The following TTC3 variants were observed in gnomAD, a reference collection of about 807,000 sequenced individuals.
TTC3 encodes the protein E3 ubiquitin-protein ligase TTC3.
In TTC3, 180 loss-of-function variants were observed where a neutral mutation model predicts 249.6. The ratio of observed to expected loss-of-function variants is 0.72; its 90% CI spans 0.64 to 0.82. The LOEUF (loss-of-function observed/expected upper bound fraction) is 0.82, where lower values mean the gene tolerates loss of function less well. Among genes scored for constraint, TTC3 ranks in the 40% least tolerant of loss-of-function variants. The pLI is 0.00. For missense variants in TTC3, 2,061 were observed against 2,398.4 expected (o/e 0.86, Z 2.94); for synonymous variants, 717 against 805.0 (o/e 0.89, Z 1.85).
intron 1 of TTC3, among the ~76,000 whole-genome samples, chr21:37,073,856 C>T (rs768285332): frequency 6.6e-6 from 1 of 152,254 alleles, no homozygotes; most frequent in African/African-American, 2.4e-5. Context: ...CTGCGCGTCC[C>T]CTAGCGCGCG....
intron 1 of TTC3, among the ~76,000 whole-genome samples, chr21:37,075,287 C>T (rs958944147): frequency 6.6e-6 from 1 of 151,640 alleles, no homozygotes; most frequent in Admixed American, 6.6e-5. Flanking sequence ...ATGAATATAC[C>T]ATATTTATTT....
chr21:37,094,604 A>AT (rs2073711253), intron 8 of TTC3, among the ~76,000 whole-genome samples: 1 of 152,092 alleles, frequency 6.6e-6, no homozygotes, highest in Non-Finnish European at 1.5e-5. Flanking sequence ...TATGTTATTG[A>AT]TTTATATATG....
intron 34 of TTC3, among the ~76,000 whole-genome samples, chr21:37,168,701 A>C (rs2081457671): frequency 1.3e-5 from 2 of 149,004 alleles, no homozygotes. Flanking sequence ...AGTTATGTAT[A>C]TTGCTGTATA....
intron 27 of TTC3, among the ~76,000 whole-genome samples, chr21:37,155,199 A>C (rs56115617): frequency 0.99 from 151,467 of 152,268 alleles, 75,333 homozygotes; most frequent in Middle Eastern, 1. Flanking sequence ...AATTTTCTTC[A>C]ATAAAACGAC....
At chr21:37,135,305 A>G (rs547584595) in intron 17 of TTC3, 75 bp from the exon 18 acceptor site, 95 of 1,457,872 alleles carry the variant, frequency 6.5e-5, no homozygotes, top group Middle Eastern at 2.4e-4. Context: ...AAATATTACT[A>G]TGAACTTGGC....
intron 7 of TTC3, among the ~76,000 whole-genome samples, chr21:37,092,820 T>C (rs568316524): frequency 6.6e-6 from 1 of 152,192 alleles, no homozygotes; most frequent in African/African-American, 2.4e-5. Flanking sequence ...TTTGCCACTT[T>C]AAAATATCCT....
chr21:37,107,467 G>A (rs2050063624), intron 10 of TTC3, among the ~76,000 whole-genome samples: 1 of 152,194 alleles, frequency 6.6e-6, no homozygotes. Context: ...CCAGGAAACT[G>A]ATAGACTGTG....
intron 6 of TTC3, among the ~76,000 whole-genome samples, chr21:37,090,946 G>A (rs1194087255): frequency 3.9e-5 from 6 of 152,064 alleles, no homozygotes; most frequent in Admixed American, 3.9e-4. Context: ...GATGAGATCT[G>A]AGAACCCTCA....
intron 8 of TTC3, 22 bp downstream of exon 8, chr21:37,094,112 AT>A (rs1251843362): frequency 4.9e-6 from 7 of 1,439,114 alleles, no homozygotes; most frequent in South Asian, 4.0e-5. Context: ...TATTATAAAT[AT>A]ATTTTAAGAT....
At chr21:37,155,009 TTATTC>T (rs1427441705) in intron 27 of TTC3, among the ~76,000 whole-genome samples, 3 of 152,210 alleles carry the variant, frequency 2.0e-5, no homozygotes, top group Non-Finnish European at 4.4e-5. Context: ...TAATCCATGT[TTATTC>T]TGTAGATTAA....
rs760255573 is a variant in TTC3, at chr21:37,166,656, A to T, written c.4401+41A>T. On this transcript the variant is annotated intron_variant, in intron 33 of 45. Transcript: ENST00000355666. Reference sequence around the variant, plus strand: ...AAAAGTCTTCTTAATACTGAAGTTAAATTTTCCTTTTCATTTTTCATTGCC... The same window carrying T: ...AAAAGTCTTCTTAATACTGAAGTTATATTTTCCTTTTCATTTTTCATTGCC... The T allele has an allele frequency of 3.9e-6, 6 of 1,529,088 alleles. No homozygotes were observed. The Admixed American group carries it at 1.3e-4, about 33-fold the overall frequency. 94.7% of individuals were successfully genotyped at this position (1,529,088 alleles called of 1,614,324 possible).
intron 10 of TTC3, among the ~76,000 whole-genome samples, chr21:37,104,599 A>G (rs1172509810): frequency 6.6e-6 from 1 of 150,500 alleles, no homozygotes; most frequent in African/African-American, 2.4e-5. Flanking sequence ...AAAAAAAAAA[A>G]AAAAAAAAAA....
At chr21:37,081,150 G>A (rs1317625654) in intron 1 of TTC3, among the ~76,000 whole-genome samples, 2 of 105,976 alleles carry the variant, frequency 1.9e-5, no homozygotes, top group African/African-American at 7.6e-5. Flanking sequence ...GTGGAGTCTT[G>A]CTGTGTTGTT....
At chr21:37,098,057 C>G in intron 10 of TTC3, 1 of 637,442 alleles carries the variant, frequency 1.6e-6, no homozygotes, top group Non-Finnish European at 2.9e-6. Flanking sequence ...GTGGATAAAC[C>G]GAGGCTATCT....
intron 31 of TTC3, among the ~76,000 whole-genome samples, chr21:37,162,668 G>A (rs112230032): frequency 0.033 from 14 of 424 alleles, no homozygotes; most frequent in South Asian, 0.17. Context: ...TAAAAATTAC[G>A]TGGTCATTTC....
At chr21:37,195,778 C>T (rs1569197812) in exon 42 of TTC3, 3 of 1,614,178 alleles carry the variant, frequency 1.9e-6, no homozygotes, top group Non-Finnish European at 2.5e-6. Context: ...CACAGGGATC[C>T]TAGTGTGTTC....
At chr21:37,083,735 C>T (rs1448350228) in intron 1 of TTC3, 1 of 152,160 alleles carries the variant, frequency 6.6e-6, no homozygotes, top group Admixed American at 6.5e-5. Context: ...TTTGAACTTC[C>T]TGATTCAGAG....
chr21:37,193,694 TC>T (rs2084491695), intron 41 of TTC3: 1 of 152,226 alleles, frequency 6.6e-6, no homozygotes, highest in Non-Finnish European at 1.5e-5. Flanking sequence ...TATTTGTATC[TC>T]ATTTCTCCCT....
At chr21:37,180,059 CTT>C (rs1246392135) in intron 35 of TTC3, among the ~76,000 whole-genome samples, 1 of 152,204 alleles carries the variant, frequency 6.6e-6, no homozygotes, top group African/African-American at 2.4e-5. Context: ...TGAATGTTCT[CTT>C]AAGTGTCAGG....
Sources: gnomAD v4.1 joint callset for allele counts (sites outside exome capture counted in the v4.1 genomes callset) on GRCh38, gnomAD v4.1.1 for gene constraint, MANE v1.5 for transcripts, NCBI Gene and HGNC (gene_info 2026-07-23, HGNC 2026-07-21) for gene names.